The following PTPRD variants were observed in gnomAD, a reference collection of about 807,000 sequenced individuals.
PTPRD encodes protein tyrosine phosphatase receptor type D.
PTPRD carries 34 observed loss-of-function variants against 214.5 expected under a neutral mutation model. That is an observed-to-expected ratio of 0.16 (90% CI 0.12 to 0.21). The LOEUF is 0.21. PTPRD is among the 10% of genes least tolerant of loss of function. The pLI is 1.00. For synonymous variants in PTPRD, 1,128 were observed against 845.7 expected, an observed-to-expected ratio of 1.33 and a Z score of -5.79; for missense variants, 2,545 against 2,398.7, an observed-to-expected ratio of 1.06 and a Z score of -1.27.
intron 2 of PTPRD, among the ~76,000 whole-genome samples, chr9:10,512,558 A>C: frequency 6.6e-6 from 1 of 152,120 alleles, no homozygotes; most frequent in Non-Finnish European, 1.5e-5. Context: ...TTTCTACTTT[A>C]ACAGAAAGCA....
chr9:10,340,198 C>A (rs145231316), intron 3 of PTPRD, among the ~76,000 whole-genome samples: 1 of 151,814 alleles, frequency 6.6e-6, no homozygotes, highest in Admixed American at 6.6e-5. Context: ...ACCTGTGATA[C>A]GGTTATGTAC....
chr9:8,395,205 G>A (rs1053040328), intron 36 of PTPRD, among the ~76,000 whole-genome samples: 1 of 152,158 alleles, frequency 6.6e-6, no homozygotes, highest in South Asian at 2.1e-4. Flanking sequence ...CTCAAGACCC[G>A]ACAGAGCACA....
At chr9:9,196,919 T>C (rs920564487) in intron 9 of PTPRD, among the ~76,000 whole-genome samples, 1 of 152,104 alleles carries the variant, frequency 6.6e-6, no homozygotes, top group African/African-American at 2.4e-5. Flanking sequence ...AACCATTTCA[T>C]GGAATATCAA....
At chr9:10,277,734 A>G (rs2094799027) in intron 3 of PTPRD, among the ~76,000 whole-genome samples, 1 of 152,182 alleles carries the variant, frequency 6.6e-6, no homozygotes, top group South Asian at 2.1e-4. Flanking sequence ...TACTCTATGT[A>G]GATCTTACCT....
chr9:10,025,779 G>T lies in PTPRD; in HGVS notation c.-472+7939C>A, dbSNP rs748277862. Among the ~76,000 whole-genome samples, 3 of 152,270 alleles carry T rather than the reference G, an allele frequency of 2.0e-5. No individual in the cohort carries two copies. In the South Asian group the frequency reaches 6.2e-4, roughly 32 times the overall value. ...TCCACTGACTTTAAAGAAATTTGAG[G>T]TGTAACCTATTCATCCCAAGTCAAG... On this transcript the variant is annotated intron_variant, in intron 4 of 45. Coordinates refer to ENST00000381196, the MANE Select transcript of PTPRD (RefSeq NM_002839.4).
At chr9:8,698,230 C>T (rs1025276461) in intron 12 of PTPRD, among the ~76,000 whole-genome samples, 1 of 152,216 alleles carries the variant, frequency 6.6e-6, no homozygotes, top group African/African-American at 2.4e-5. Flanking sequence ...TGAATACCTA[C>T]TGTGTGATAG....
intron 37 of PTPRD, among the ~76,000 whole-genome samples, chr9:8,379,012 G>C (rs181950390): frequency 3.6e-4 from 54 of 152,108 alleles, no homozygotes; most frequent in East Asian, 3.5e-3. Flanking sequence ...ATACCAGGAA[G>C]CATTACTGTA....
intron 44 of PTPRD, among the ~76,000 whole-genome samples, chr9:8,330,650 A>G (rs912639146): frequency 1.3e-5 from 2 of 152,148 alleles, no homozygotes; most frequent in Non-Finnish European, 2.9e-5. Context: ...GGGACTTTAA[A>G]CCTCAGCTAA....
At chr9:10,372,003 A>G (rs1348595452) in intron 2 of PTPRD, among the ~76,000 whole-genome samples, 3 of 152,060 alleles carry the variant, frequency 2.0e-5, no homozygotes, top group Admixed American at 6.6e-5. Context: ...CTATTTATCA[A>G]CCACATGCAC....
chr9:8,490,201 A>G (rs2097122762), intron 27 of PTPRD, among the ~76,000 whole-genome samples: 1 of 152,234 alleles, frequency 6.6e-6, no homozygotes. Flanking sequence ...TGGAAGAAGC[A>G]GAGAAGGTCC....
chr9:8,461,202 T>C (rs2096390211), intron 32 of PTPRD, among the ~76,000 whole-genome samples: 1 of 152,030 alleles, frequency 6.6e-6, no homozygotes, highest in Non-Finnish European at 1.5e-5. Context: ...CAGTTCAAAT[T>C]ACAGATGCGA....
intron 3 of PTPRD, among the ~76,000 whole-genome samples, chr9:10,240,396 C>T (rs748703792): frequency 4.6e-5 from 7 of 151,722 alleles, no homozygotes; most frequent in Non-Finnish European, 8.8e-5. Context: ...CCTAGAGAAA[C>T]AGAAGGTCCA....
At chr9:9,826,465 T>C (rs993523653) in intron 5 of PTPRD, among the ~76,000 whole-genome samples, 25 of 151,980 alleles carry the variant, frequency 1.6e-4, no homozygotes, top group Non-Finnish European at 2.6e-4. Flanking sequence ...TTCAGTCATA[T>C]GGTTATTTTG....
At chr9:9,416,520 C>A (rs143887297) in intron 8 of PTPRD, among the ~76,000 whole-genome samples, 1 of 152,162 alleles carries the variant, frequency 6.6e-6, no homozygotes, top group Non-Finnish European at 1.5e-5. Context: ...TGTCAGAACA[C>A]GTCCAATTCC....
At position 9,123,382 on chromosome 9, in the gene PTPRD, T is replaced by C. The variant is rs1276882192; in HGVS notation, c.-143+59922A>G. Among the ~76,000 whole-genome samples the C allele has an allele frequency of 6.6e-5, 10 of 152,306 alleles. No individual in the cohort carries two copies. In the East Asian group the frequency reaches 1.9e-3, roughly 29 times the overall value. ...CCTTAGGCATGATATAAAAAGAGTA[T>C]TTTTAATTTAACTCCTCAGTACAAT... On this transcript the variant is annotated intron_variant, in intron 10 of 45. Coordinates refer to ENST00000381196, the MANE Select transcript of PTPRD (RefSeq NM_002839.4).
At position 10,523,706 on chromosome 9, in the gene PTPRD, C is replaced by T. The variant is rs559689060; in HGVS notation, c.-600+88692G>A. 7.1e-4 allele frequency among the ~76,000 whole-genome samples: 102 copies of T among 144,420 alleles called. 1 individual carries two copies. Among genetic ancestry groups the T allele is most frequent in the Middle Eastern group, 7.7e-3 (2 of 260 alleles). The allele number at this position is 144,420 out of a possible 152,430, so 94.7% of individuals were successfully genotyped here. ...AAAGCGGCTCTAATATGTTTGTTTACAGGTGAAATTTTACATAAATGGCTA... is the reference window on the plus strand; with the variant it reads ...AAAGCGGCTCTAATATGTTTGTTTATAGGTGAAATTTTACATAAATGGCTA... On this transcript the variant is annotated intron_variant, in intron 2 of 45. Transcript: ENST00000381196.
intron 2 of PTPRD, among the ~76,000 whole-genome samples, chr9:10,434,812 G>C (rs1435320722): frequency 6.6e-6 from 1 of 151,820 alleles, no homozygotes; most frequent in East Asian, 1.9e-4. Context: ...TGCAGTTATA[G>C]TCTCTGTTTT....
intron 6 of PTPRD, among the ~76,000 whole-genome samples, chr9:9,756,725 T>C (rs1362604426): frequency 1.3e-5 from 2 of 152,304 alleles, no homozygotes; most frequent in East Asian, 1.9e-4. Context: ...TTTTATGGTA[T>C]ATGAATTTTA....
intron 8 of PTPRD, among the ~76,000 whole-genome samples, chr9:9,429,485 G>A (rs1412551507): frequency 6.6e-6 from 1 of 152,078 alleles, no homozygotes; most frequent in Non-Finnish European, 1.5e-5. Context: ...AAGAGGAGCT[G>A]GTACCATTAC....
Sources: allele counts gnomAD v4.1 joint callset (sites outside exome capture counted in the v4.1 genomes callset), GRCh38; gene constraint gnomAD v4.1.1; transcripts MANE v1.5; gene names NCBI Gene and HGNC (gene_info 2026-07-23, HGNC 2026-07-21).